TSHZ2: variants seen among roughly 807,000 people sequenced by gnomAD.
TSHZ2 encodes teashirt homolog 2.
Under a neutral mutation model 74.4 loss-of-function variants are expected in TSHZ2, and 21 were observed. The observed-to-expected ratio is 0.28, with a 90% confidence interval of 0.20 to 0.41. The LOEUF (loss-of-function observed/expected upper bound fraction) is 0.41. Ranked by LOEUF, TSHZ2 falls within the 10% of genes least tolerant of loss-of-function variation. The pLI, the probability that TSHZ2 is intolerant of heterozygous loss-of-function variation, is 1.00. For synonymous variants in TSHZ2, 540 were observed against 515.3 expected (o/e 1.05, Z -0.65); for missense variants, 1,244 against 1,293.5 (o/e 0.96, Z 0.59).
At chr20:53,437,029 T>C (rs144761814) in intron 2 of TSHZ2, among the ~76,000 whole-genome samples, 2 of 152,336 alleles carry the variant, frequency 1.3e-5, no homozygotes, top group Non-Finnish European at 2.9e-5. Context: ...GAAAGGCTCC[T>C]GGTATCCTCT....
At chr20:53,385,958 G>A (rs575299505) in intron 2 of TSHZ2, among the ~76,000 whole-genome samples, 8 of 152,250 alleles carry the variant, frequency 5.3e-5, no homozygotes, top group African/African-American at 7.2e-5. Context: ...CTGCCACACC[G>A]GACGAGGGTG....
intron 1 of TSHZ2, among the ~76,000 whole-genome samples, chr20:53,250,038 G>A (rs566927930): frequency 8.5e-5 from 13 of 152,250 alleles, no homozygotes; most frequent in African/African-American, 2.9e-4. Flanking sequence ...GTCAAAGAAT[G>A]GACCGGATTT....
At chr20:53,219,814 G>A (rs1989514408) in intron 1 of TSHZ2, among the ~76,000 whole-genome samples, 1 of 152,100 alleles carries the variant, frequency 6.6e-6, no homozygotes, top group Non-Finnish European at 1.5e-5. Flanking sequence ...ATTTCCCAAT[G>A]TCAATAACTA....
intron 1 of TSHZ2, among the ~76,000 whole-genome samples, chr20:53,238,333 C>T (rs1164010226): frequency 6.6e-6 from 1 of 152,094 alleles, no homozygotes; most frequent in Non-Finnish European, 1.5e-5. Flanking sequence ...TAGTGTAGTT[C>T]ACCAAAAGGG....
intron 1 of TSHZ2, among the ~76,000 whole-genome samples, chr20:53,121,039 A>C (rs1293428): frequency 0.066 from 10,022 of 151,850 alleles, 442 homozygotes; most frequent in Non-Finnish European, 0.1. Flanking sequence ...TCAGACTCTT[A>C]GGAAAGTTCC....
chr20:53,075,805 C>A (rs779633765), intron 1 of TSHZ2, among the ~76,000 whole-genome samples: 1 of 152,130 alleles, frequency 6.6e-6, no homozygotes, highest in East Asian at 1.9e-4. Context: ...CAGCCACCAT[C>A]GGTGGGAGCC....
chr20:53,010,630 G>A (rs896480828), intron 1 of TSHZ2, among the ~76,000 whole-genome samples: 3 of 152,018 alleles, frequency 2.0e-5, no homozygotes, highest in African/African-American at 7.3e-5. Flanking sequence ...GACAAACTGA[G>A]ACACATGTCA....
intron 2 of TSHZ2, among the ~76,000 whole-genome samples, chr20:53,461,132 C>A (rs1985347273): frequency 6.6e-6 from 1 of 152,136 alleles, no homozygotes; most frequent in South Asian, 2.1e-4. Flanking sequence ...GGGCGCCCCT[C>A]CCCCAGCCTC....
intron 2 of TSHZ2, among the ~76,000 whole-genome samples, chr20:53,260,195 C>T (rs1397221431): frequency 2.6e-5 from 4 of 152,326 alleles, no homozygotes; most frequent in Admixed American, 2.0e-4. Flanking sequence ...ACCAGAAGTT[C>T]TACCAATTGT....
intron 1 of TSHZ2, among the ~76,000 whole-genome samples, chr20:53,197,722 G>T (rs1284210611): frequency 6.6e-6 from 1 of 152,226 alleles, no homozygotes; most frequent in African/African-American, 2.4e-5. Flanking sequence ...TGCAGGCATG[G>T]CTGCTTCTAC....
At chr20:53,109,670 A>G (rs1181585610) in intron 1 of TSHZ2, among the ~76,000 whole-genome samples, 2 of 152,188 alleles carry the variant, frequency 1.3e-5, no homozygotes, top group African/African-American at 2.4e-5. Context: ...TTCCCTTTCT[A>G]AAAGAATCAT....
At chr20:53,318,046 G>A (rs1221561309) in intron 2 of TSHZ2, among the ~76,000 whole-genome samples, 1 of 152,232 alleles carries the variant, frequency 6.6e-6, no homozygotes, top group East Asian at 1.9e-4. Context: ...GGTTCAGCCA[G>A]TATGTGTTAA....
At chr20:53,362,474 G>A (rs896948976) in intron 2 of TSHZ2, among the ~76,000 whole-genome samples, 2 of 152,134 alleles carry the variant, frequency 1.3e-5, no homozygotes, top group Admixed American at 6.6e-5. Context: ...CTGAGCCACC[G>A]TGCCCGGCCC....
chr20:53,139,496 C>A (rs1293420), intron 1 of TSHZ2, among the ~76,000 whole-genome samples: 1 of 152,142 alleles, frequency 6.6e-6, no homozygotes, highest in Non-Finnish European at 1.5e-5. Flanking sequence ...TGCTGTGGTA[C>A]CAGCTGCCAG....
intron 1 of TSHZ2, among the ~76,000 whole-genome samples, chr20:53,229,887 G>C (rs536176833): frequency 2.6e-4 from 26 of 98,602 alleles, no homozygotes; most frequent in African/African-American, 1.4e-3. Flanking sequence ...AGAAAGGAAG[G>C]AAAAGAGAGA....
chr20:53,283,339 G>A (rs985909793), intron 2 of TSHZ2, among the ~76,000 whole-genome samples: 1 of 152,174 alleles, frequency 6.6e-6, no homozygotes, highest in Non-Finnish European at 1.5e-5. Flanking sequence ...TGCTTACTAT[G>A]TCCGAGGCAC....
At chr20:53,224,962 A>G (rs1989650606) in intron 1 of TSHZ2, among the ~76,000 whole-genome samples, 2 of 152,200 alleles carry the variant, frequency 1.3e-5, no homozygotes, top group South Asian at 4.1e-4. Flanking sequence ...TGCTTAAATC[A>G]GAGTCATCAA....
At chr20:53,278,414 C>T (rs991020394) in intron 2 of TSHZ2, among the ~76,000 whole-genome samples, 9 of 152,192 alleles carry the variant, frequency 5.9e-5, no homozygotes, top group South Asian at 4.2e-4. Flanking sequence ...GATTGGACCT[C>T]CATGATGCTT....
At chr20:53,430,730 G>A (rs1983814573) in intron 2 of TSHZ2, among the ~76,000 whole-genome samples, 1 of 152,054 alleles carries the variant, frequency 6.6e-6, no homozygotes, top group African/African-American at 2.4e-5. Flanking sequence ...AGGAAACACT[G>A]ATTTGATTTA....
Sources: allele counts gnomAD v4.1 joint callset (sites outside exome capture counted in the v4.1 genomes callset), GRCh38; gene constraint gnomAD v4.1.1; transcripts MANE v1.5; gene names NCBI Gene and HGNC (gene_info 2026-07-23, HGNC 2026-07-21).